The following JHY variants were observed in gnomAD, a reference collection of about 807,000 sequenced individuals.
JHY encodes the protein junctional cadherin complex regulator.
JHY carries 69 observed loss-of-function variants against 78.0 expected under a neutral mutation model. That is an observed-to-expected ratio of 0.88 (90% CI 0.73 to 1.08). The LOEUF is 1.08. Among genes scored for constraint, JHY ranks in the 50% least tolerant of loss-of-function variants. The pLI, the probability that JHY is intolerant of heterozygous loss-of-function variation, is 0.00. For synonymous variants in JHY, 368 were observed against 342.6 expected (o/e 1.07, Z -0.82); for missense variants, 944 against 927.8 (o/e 1.02, Z -0.23).
At chr11:122,913,065 A>G (rs1041909247) in intron 3 of JHY, among the ~76,000 whole-genome samples, 1 of 152,062 alleles carries the variant, frequency 6.6e-6, no homozygotes, top group Non-Finnish European at 1.5e-5. Context: ...CAGAGTAAGA[A>G]CAAAGTGTAG....
intron 6 of JHY, among the ~76,000 whole-genome samples, chr11:122,952,075 G>C (rs904417690): frequency 5.3e-5 from 8 of 151,850 alleles, no homozygotes; most frequent in Admixed American, 3.9e-4. Flanking sequence ...GTAAATTCTG[G>C]GGATTATTTT....
At chr11:122,943,745 G>C (rs1863916165) in intron 5 of JHY, among the ~76,000 whole-genome samples, 1 of 152,032 alleles carries the variant, frequency 6.6e-6, no homozygotes, top group Non-Finnish European at 1.5e-5. Context: ...TATGCTTTCT[G>C]ATACTAATAC....
chr11:122,890,117 G>A (rs1341048256), intron 2 of JHY, among the ~76,000 whole-genome samples: 1 of 151,530 alleles, frequency 6.6e-6, no homozygotes. Context: ...TGAAAGAATT[G>A]ACAGGGTTTG....
rs1211960307 is a variant in JHY, at chr11:122,962,765, C to T, written c.*3320C>T. On this transcript the variant is annotated 3_prime_UTR_variant, in exon 9 of 9. Coordinates refer to ENST00000227349, the MANE Select transcript of JHY (RefSeq NM_024806.4). ...AGTTTAGAGCTTGGAAAGTTTGTCA[C>T]ATTCAACTGCCAGTTTTTCAGAAGA... 6.6e-6 allele frequency among the ~76,000 whole-genome samples: 1 copy of T among 152,150 alleles called. No individual in the cohort carries two copies. Among genetic ancestry groups the T allele is most frequent in the Non-Finnish European group, 1.5e-5 (1 of 68,010 alleles).
chr11:122,912,401 G>A (rs994998351), intron 3 of JHY, among the ~76,000 whole-genome samples: 2 of 152,074 alleles, frequency 1.3e-5, no homozygotes, highest in Non-Finnish European at 2.9e-5. Context: ...AGAAAAGTAT[G>A]CAAGATCTAG....
At chr11:122,916,273 A>C (rs1863232569) in intron 3 of JHY, among the ~76,000 whole-genome samples, 1 of 152,220 alleles carries the variant, frequency 6.6e-6, no homozygotes, top group Admixed American at 6.5e-5. Context: ...TGTACATATA[A>C]CAAAATATCA....
intron 4 of JHY, among the ~76,000 whole-genome samples, chr11:122,926,031 A>AG (rs1265977687): frequency 6.6e-6 from 1 of 150,982 alleles, no homozygotes; most frequent in East Asian, 1.9e-4. Context: ...AAGAAAAAAA[A>AG]AAAAAGATTA....
Position 122,914,605 on chromosome 11 carries a change from C to T in JHY, c.864+10161C>T, listed in dbSNP as rs184227439. On this transcript the variant is annotated intron_variant, in intron 3 of 8. Transcript: ENST00000227349. ...GATTATAGGCGTCTACCACCACGCC[C>T]GGCTAATTTTTCTATTTTTAGTAGA... Among the ~76,000 whole-genome samples, 23 of 152,002 alleles carry T rather than the reference C, an allele frequency of 1.5e-4. 1 individual carries two copies. The East Asian group carries it at 2.9e-3, about 19-fold the overall frequency.
chr11:122,941,631 G>C (rs1008757006), intron 5 of JHY, among the ~76,000 whole-genome samples: 3 of 152,076 alleles, frequency 2.0e-5, no homozygotes, highest in Admixed American at 1.3e-4. Flanking sequence ...TTTTCTCTTG[G>C]TAGAGGTAAT....
At position 122,904,222 on chromosome 11, in the gene JHY, C is replaced by G. The variant is rs1166181212; in HGVS notation, c.642C>G (p.Ser214Arg). The G allele has an allele frequency of 6.2e-7, 1 of 1,614,124 alleles. No individual in the cohort carries two copies. The highest frequency in any genetic ancestry group is 1.1e-5 in the South Asian group (1 of 91,068). ...GCAGCAAGCCGTTTTCAGAGCTGAG[C>G]GACAGTGACCTGGAGGAGAAGTCGA... ...ARRSKPFSEL[S>R]DSDLEEKSSS... Residue 214 changes from serine (S) to arginine (R), a missense_variant, in exon 3 of 9, where the codon AGC becomes AGG. By Grantham distance (110) the Ser-to-Arg change is moderately radical. Transcript: ENST00000227349.
chr11:122,924,399 G>C (rs1280857974), intron 3 of JHY, among the ~76,000 whole-genome samples: 1 of 152,122 alleles, frequency 6.6e-6, no homozygotes, highest in African/African-American at 2.4e-5. Flanking sequence ...TTTGCAAAAA[G>C]GGGGTAATAA....
At chr11:122,932,803 G>T (rs76086100) in intron 4 of JHY, among the ~76,000 whole-genome samples, 4,035 of 152,142 alleles carry the variant, frequency 0.027, 103 homozygotes, top group South Asian at 0.073. Flanking sequence ...CTTCCTGCCC[G>T]CATTTCCCCA....
chr11:122,891,212 C>T (rs775089365), intron 2 of JHY, among the ~76,000 whole-genome samples: 5 of 152,188 alleles, frequency 3.3e-5, no homozygotes, highest in Non-Finnish European at 5.9e-5. Context: ...TTTCTTTCTT[C>T]TTGCTTTTGT....
At chr11:122,944,832 G>T (rs1863932885) in intron 5 of JHY, among the ~76,000 whole-genome samples, 1 of 152,040 alleles carries the variant, frequency 6.6e-6, no homozygotes, top group South Asian at 2.1e-4. Flanking sequence ...CCTGGTTTCT[G>T]CATTGCTTTG....
intron 3 of JHY, among the ~76,000 whole-genome samples, chr11:122,916,935 G>T (rs568616105): frequency 7.6e-4 from 116 of 152,096 alleles, no homozygotes; most frequent in African/African-American, 2.6e-3. Flanking sequence ...GGCCATAATC[G>T]CTAGGTTTTT....
intron 4 of JHY, among the ~76,000 whole-genome samples, chr11:122,927,398 A>G (rs1224525985): frequency 1.3e-5 from 2 of 152,230 alleles, no homozygotes; most frequent in African/African-American, 2.4e-5. Context: ...TAAAATGACA[A>G]TAACCACAAA....
chr11:122,956,002 T>G (rs1864182260), intron 6 of JHY, among the ~76,000 whole-genome samples: 1 of 152,146 alleles, frequency 6.6e-6, no homozygotes, highest in African/African-American at 2.4e-5. Flanking sequence ...ATATATGTTG[T>G]GTTAAAAACG....
intron 3 of JHY, among the ~76,000 whole-genome samples, chr11:122,912,246 C>T (rs1053684672): frequency 2.0e-5 from 3 of 149,380 alleles, no homozygotes; most frequent in African/African-American, 7.4e-5. Flanking sequence ...GAGATCTCGC[C>T]ACTGCACTCC....
At chr11:122,889,749 G>A (rs933593642) in intron 2 of JHY, among the ~76,000 whole-genome samples, 2 of 152,098 alleles carry the variant, frequency 1.3e-5, no homozygotes, top group African/African-American at 4.8e-5. Context: ...TGGACTTTGG[G>A]ATGTTCCCAG....
Sources: allele counts gnomAD v4.1 joint callset (sites outside exome capture counted in the v4.1 genomes callset), GRCh38; gene constraint gnomAD v4.1.1; transcripts MANE v1.5; gene names NCBI Gene and HGNC (gene_info 2026-07-23, HGNC 2026-07-21).